Variants in MEF2A observed in about 807,000 individuals in gnomAD.
MEF2A encodes the protein myocyte enhancer factor 2A.
In MEF2A, 28 loss-of-function variants were observed where a neutral mutation model predicts 55.8. That is an observed-to-expected ratio of 0.50 (90% confidence interval 0.37 to 0.69). The LOEUF is 0.69. Among genes scored for constraint, MEF2A ranks in the 30% least tolerant of loss-of-function variants. The pLI, the probability that MEF2A is intolerant of heterozygous loss-of-function variation, is 0.00. For synonymous variants in MEF2A, 239 were observed against 227.1 expected (o/e 1.05, Z -0.47); for missense variants, 528 against 626.2 (o/e 0.84, Z 1.67).
In MEF2A at chr15:99,706,917, C is replaced by T. The variant is rs1213326619; in HGVS notation, c.1009+62C>T. The T allele has an allele frequency of 3.9e-6, 6 of 1,528,404 alleles. No individual in the cohort carries two copies. The Admixed American group carries it at 6.4e-5, about 16-fold the overall frequency. 94.7% of individuals were successfully genotyped at this position (1,528,404 alleles called of 1,614,324 possible). Reference sequence around the variant, plus strand: ...CTCTCTGTTTTGTGATCAACGTGTGCTTCTGTGATTTTTTTTAAGTATATT... The same window carrying T: ...CTCTCTGTTTTGTGATCAACGTGTGTTTCTGTGATTTTTTTTAAGTATATT... On this transcript the variant is annotated intron_variant, in intron 10 of 11. Transcript: ENST00000557942.
At position 99,713,705 on chromosome 15, in the gene MEF2A, T is replaced by C. The variant is rs1048550530; in HGVS notation, c.*934T>C. 2.6e-5 allele frequency: 4 copies of C among 152,186 alleles called. No individual in the cohort carries two copies. Among genetic ancestry groups the C allele is most frequent in the African/African-American group, 9.7e-5 (4 of 41,448 alleles). The allele number at this position is 152,186 out of a possible 1,614,324, so 9.4% of individuals were successfully genotyped here. A position where few individuals can be genotyped will look rare whatever the true frequency, so the allele number is the denominator to read the frequency against. On this transcript the variant is annotated 3_prime_UTR_variant, in exon 12 of 12. Transcript: ENST00000557942. ...AAAGCTATATGTTGTAACTTTTTTT[T>C]AGAGAATAGCTTTATCTTGGTTTAA... is the stretch of plus-strand genomic sequence containing the variant.
rs2058925388 is a variant in MEF2A, at chr15:99,714,091, T to C, written c.*1320T>C. On this transcript the variant is annotated 3_prime_UTR_variant, in exon 12 of 12. Transcript: ENST00000557942. Reference sequence around the variant, plus strand: ...AAGGGGTTTCTCCCCTCACTGGTGGTGAATGTGTGATGTTACATTGTAATC... The same window carrying C: ...AAGGGGTTTCTCCCCTCACTGGTGGCGAATGTGTGATGTTACATTGTAATC... 6.6e-6 allele frequency: 1 copy of C among 152,206 alleles called. No homozygotes were observed. Among genetic ancestry groups the C allele is most frequent in the African/African-American group, 2.4e-5 (1 of 41,464 alleles). The allele number at this position is 152,206 out of a possible 1,614,324, so 9.4% of individuals were successfully genotyped here.
At chr15:99,580,837 T>C (rs180804421) in intron 1 of MEF2A, among the ~76,000 whole-genome samples, 155 of 152,360 alleles carry the variant, frequency 1.0e-3, no homozygotes, top group African/African-American at 3.5e-3. Flanking sequence ...TAAACTTCAT[T>C]ACCTCTTTAT....
At position 99,710,614 on chromosome 15, in the gene MEF2A, C is replaced by T. The variant is rs370536087; in HGVS notation, c.1010-20C>T. 7.2e-5 allele frequency: 116 copies of T among 1,601,538 alleles called. No homozygotes were observed. Among genetic ancestry groups the T allele is most frequent in the Non-Finnish European group, 9.7e-5 (113 of 1,169,642 alleles). On this transcript the variant is annotated intron_variant, in intron 10 of 11. Transcript: ENST00000557942. ...ATGGACCTTCCATCATATGCAGAGCCCTCTTGTCTTCCTTTGTAGATTATT... is the reference window on the plus strand; with the variant it reads ...ATGGACCTTCCATCATATGCAGAGCTCTCTTGTCTTCCTTTGTAGATTATT...
At chr15:99,646,726 C>T (rs1428494178) in intron 4 of MEF2A, among the ~76,000 whole-genome samples, 1 of 151,958 alleles carries the variant, frequency 6.6e-6, no homozygotes, top group Non-Finnish European at 1.5e-5. Context: ...AATTTATTTG[C>T]CTCCTCAAGT....
chr15:99,694,824 A>C (rs2056163670), intron 8 of MEF2A, among the ~76,000 whole-genome samples: 2 of 152,142 alleles, frequency 1.3e-5, no homozygotes, highest in African/African-American at 4.8e-5. Context: ...TCATTTATTC[A>C]ACCATTTATT....
intron 8 of MEF2A, among the ~76,000 whole-genome samples, chr15:99,701,346 C>G (rs1190133820): frequency 6.6e-6 from 1 of 152,158 alleles, no homozygotes; most frequent in East Asian, 1.9e-4. Context: ...AATTGAGAGA[C>G]ATTCTATAAG....
chr15:99,689,525 C>T (rs576867515), intron 7 of MEF2A, among the ~76,000 whole-genome samples: 9 of 152,280 alleles, frequency 5.9e-5, no homozygotes, highest in South Asian at 2.1e-4. Flanking sequence ...CTGTCACCCA[C>T]GCTGTAGTGC....
At chr15:99,602,158 G>A (rs1404201772) in intron 2 of MEF2A, among the ~76,000 whole-genome samples, 1 of 152,156 alleles carries the variant, frequency 6.6e-6, no homozygotes, top group Non-Finnish European at 1.5e-5. Context: ...TTTAGAGCAG[G>A]AATGAAAGGA....
intron 4 of MEF2A, among the ~76,000 whole-genome samples, chr15:99,662,089 A>G (rs748603003): frequency 7.2e-5 from 11 of 152,204 alleles, no homozygotes; most frequent in African/African-American, 1.9e-4. Context: ...GGATATGTAT[A>G]TATGTGGTAA....
At chr15:99,664,919 TAATG>T (rs939873296) in intron 4 of MEF2A, among the ~76,000 whole-genome samples, 3 of 152,172 alleles carry the variant, frequency 2.0e-5, no homozygotes, top group African/African-American at 7.2e-5. Flanking sequence ...TTTGAGTCAT[TAATG>T]AATGAGGGAA....
rs936993780 is a variant in MEF2A, at chr15:99,678,588, G to C, written c.670+3130G>C. ...TATAGGCGAGTCTTCCATTTGCCTT[G>C]TTCGTATTTTAATTTTTGTTGCATC... On this transcript the variant is annotated intron_variant, in intron 7 of 11. Transcript: ENST00000557942. The C allele has an allele frequency of 3.4e-6, 3 of 887,344 alleles. No homozygotes were observed. In the South Asian group the frequency reaches 1.6e-4, roughly 46 times the overall value. 55.0% of individuals were successfully genotyped at this position (887,344 alleles called of 1,614,324 possible).
In MEF2A at chr15:99,622,542, G is replaced by C. The variant is rs183834314; in HGVS notation, c.-142-10436G>C. 9.7e-4 allele frequency among the ~76,000 whole-genome samples: 147 copies of C among 151,986 alleles called. 1 individual carries two copies. The Middle Eastern group carries it at 0.01, about 11-fold the overall frequency. Reference sequence around the variant, plus strand: ...TTCAGTATTTGAATATTTTGAAATTGTACATAAATTTTTTGAAATTGTTTG... The same window carrying C: ...TTCAGTATTTGAATATTTTGAAATTCTACATAAATTTTTTGAAATTGTTTG... On this transcript the variant is annotated intron_variant, in intron 2 of 11. Transcript: ENST00000557942.
Position 99,712,400 on chromosome 15 carries a change from C to T in MEF2A, c.1147C>T (p.Gln383Ter), listed in dbSNP as rs763506462. 1 of 1,535,692 alleles carries T rather than the reference C, an allele frequency of 6.5e-7. No homozygotes were observed. The highest frequency in any genetic ancestry group is 1.4e-5 in the African/African-American group (1 of 72,748). Residue 383 changes from glutamine (Q) to a stop codon, truncating the protein, a stop_gained, in exon 12 of 12, where the codon CAG (glutamine) becomes TAG (stop). Coordinates refer to ENST00000557942, the MANE Select transcript of MEF2A (RefSeq NM_001319206.4). LOFTEE classifies it high-confidence loss of function. The surrounding 1 kb of genome is among the most constrained non-coding windows in gnomAD (Gnocchi z 4.1). ...AALSSLVAGG[Q>*]LSQGSNLSIN... ...TTTTTTTTCCTTCAGTGCTGGAGGG[C>T]AGTTATCTCAGGGTTCCAATTTATC... is the stretch of plus-strand genomic sequence containing the variant.
At chr15:99,627,159 G>A (rs1336198177) in intron 2 of MEF2A, among the ~76,000 whole-genome samples, 4 of 151,958 alleles carry the variant, frequency 2.6e-5, no homozygotes, top group African/African-American at 2.4e-5. Flanking sequence ...ATATGTAACT[G>A]GATAAGGAAG....
chr15:99,647,480 C>T (rs545941726), intron 4 of MEF2A, among the ~76,000 whole-genome samples: 2 of 152,100 alleles, frequency 1.3e-5, no homozygotes, highest in Non-Finnish European at 2.9e-5. Context: ...ATTCTTGGTC[C>T]GTGGAGGTTG....
intron 5 of MEF2A, among the ~76,000 whole-genome samples, chr15:99,673,915 G>T (rs1286208434): frequency 1.3e-5 from 2 of 151,678 alleles, no homozygotes; most frequent in African/African-American, 4.8e-5. Flanking sequence ...TCAGAATGGG[G>T]AATATTTATG....
chr15:99,668,753 C>A (rs1208396206), intron 4 of MEF2A, among the ~76,000 whole-genome samples: 1 of 152,150 alleles, frequency 6.6e-6, no homozygotes, highest in Non-Finnish European at 1.5e-5. Context: ...CTGGGCCTGG[C>A]CTTCTTAATA....
chr15:99,631,857 A>G (rs2042999308), intron 2 of MEF2A, among the ~76,000 whole-genome samples: 1 of 152,236 alleles, frequency 6.6e-6, no homozygotes, highest in Non-Finnish European at 1.5e-5. Context: ...CGAAAGGCTT[A>G]TAGCTTTTGA....
Sources: allele counts gnomAD v4.1 joint callset (sites outside exome capture counted in the v4.1 genomes callset), GRCh38; gene constraint gnomAD v4.1.1; non-coding constraint Gnocchi (gnomAD v3.1); transcripts MANE v1.5; gene names NCBI Gene and HGNC (gene_info 2026-07-23, HGNC 2026-07-21).